Variants in NSMCE2 observed in about 807,000 individuals in gnomAD.
The protein encoded by NSMCE2 is NSE2 SUMO ligase component of SMC5/6 complex.
In NSMCE2, 24 loss-of-function variants were observed where a neutral mutation model predicts 23.8. The observed-to-expected ratio is 1.01, with a 90% CI of 0.73 to 1.42. The LOEUF (loss-of-function observed/expected upper bound fraction) is 1.42. Ranked by LOEUF, NSMCE2 falls within the 40% of genes most tolerant of loss-of-function variation. The probability of loss-of-function intolerance (pLI) is 0.00; values close to 1 mark genes in which losing one functional copy is unlikely to be tolerated. For missense variants in NSMCE2, 284 were observed against 296.5 expected, an observed-to-expected ratio of 0.96 and a Z score of 0.31; for synonymous variants, 92 against 94.1, an observed-to-expected ratio of 0.98 and a Z score of 0.13.
chr8:125,271,927 G>A (rs753775853), intron 5 of NSMCE2, among the ~76,000 whole-genome samples: 4 of 152,072 alleles, frequency 2.6e-5, no homozygotes, highest in African/African-American at 4.8e-5. Flanking sequence ...CCGTTTTTCA[G>A]GTGGGAAAAC....
chr8:125,108,243 A>G (rs1213784585), intron 3 of NSMCE2, among the ~76,000 whole-genome samples: 1 of 152,202 alleles, frequency 6.6e-6, no homozygotes, highest in East Asian at 1.9e-4. Context: ...AGCCAAGGGC[A>G]ATCACTCCCA....
rs1828819525 is a variant in NSMCE2 at position 125,307,729 on chromosome 8, G to A, written c.419-49490G>A. Among the ~76,000 whole-genome samples the A allele has an allele frequency of 2.6e-5, 4 of 152,158 alleles. No individual in the cohort carries two copies. In the East Asian group the frequency reaches 7.7e-4, roughly 29 times the overall value. On this transcript the variant is annotated intron_variant, in intron 5 of 7. Coordinates refer to ENST00000287437, the MANE Select transcript of NSMCE2 (RefSeq NM_173685.4). Reference sequence around the variant, plus strand: ...AAACCCCACAAAGTAGAGGTATAAAGGGGTTTTGACTAAGCAAGTGTCGTT... The same window carrying A: ...AAACCCCACAAAGTAGAGGTATAAAAGGGTTTTGACTAAGCAAGTGTCGTT...
chr8:125,151,435 G>T (rs1238093855), intron 4 of NSMCE2, 158 bp downstream of exon 4: 9 of 446,144 alleles, frequency 2.0e-5, no homozygotes, highest in Non-Finnish European at 3.6e-5. Context: ...CATAAAATTG[G>T]AATCCTAAGT....
intron 3 of NSMCE2, among the ~76,000 whole-genome samples, chr8:125,118,856 T>G (rs541582548): frequency 6.6e-6 from 1 of 152,310 alleles, no homozygotes; most frequent in East Asian, 1.9e-4. Flanking sequence ...ATGCAGATCC[T>G]TTCACAAAAT....
intron 3 of NSMCE2, among the ~76,000 whole-genome samples, chr8:125,117,680 T>C (rs1016574674): frequency 6.6e-6 from 1 of 152,156 alleles, no homozygotes; most frequent in African/African-American, 2.4e-5. Context: ...GATCCCCAGC[T>C]AATTTTTTTA....
chr8:125,316,371 A>G (rs1829177439), intron 5 of NSMCE2, among the ~76,000 whole-genome samples: 1 of 152,238 alleles, frequency 6.6e-6, no homozygotes, highest in Admixed American at 6.5e-5. Flanking sequence ...ACTTCCAGAA[A>G]ACAATTAGGC....
intron 3 of NSMCE2, among the ~76,000 whole-genome samples, chr8:125,131,614 A>G (rs529810629): frequency 6.6e-6 from 1 of 152,288 alleles, no homozygotes; most frequent in East Asian, 1.9e-4. Context: ...TGGAAAAAAA[A>G]AATGCTTGGA....
chr8:125,269,088 T>C (rs765563345), intron 5 of NSMCE2, among the ~76,000 whole-genome samples: 2 of 152,036 alleles, frequency 1.3e-5, no homozygotes, highest in African/African-American at 2.4e-5. Context: ...TTAACTTTGT[T>C]TTTTGTTTGT....
chr8:125,236,184 T>C (rs765733352), intron 5 of NSMCE2, among the ~76,000 whole-genome samples: 8 of 152,134 alleles, frequency 5.3e-5, no homozygotes, highest in Non-Finnish European at 1.0e-4. Flanking sequence ...TTCAGCACAA[T>C]GATTTGGAGG....
chr8:125,283,297 C>G (rs533465156), intron 5 of NSMCE2, among the ~76,000 whole-genome samples: 19 of 152,242 alleles, frequency 1.2e-4, no homozygotes, highest in South Asian at 1.0e-3. Flanking sequence ...GCCTGTAATC[C>G]CAGCACTTTG....
At chr8:125,275,554 G>A (rs573567722) in intron 5 of NSMCE2, among the ~76,000 whole-genome samples, 1 of 151,866 alleles carries the variant, frequency 6.6e-6, no homozygotes, top group Admixed American at 6.6e-5. Flanking sequence ...GTATTTCCTC[G>A]TTGGCTGCCC....
intron 7 of NSMCE2, among the ~76,000 whole-genome samples, chr8:125,359,858 CAGTTTTAAAGG>C (rs1455553054): frequency 6.6e-6 from 1 of 152,034 alleles, no homozygotes; most frequent in Non-Finnish European, 1.5e-5. Flanking sequence ...GAGACGAGGA[CAGTTTTAAAGG>C]AGTAAGATGA....
chr8:125,127,845 A>T (rs1310868113), intron 3 of NSMCE2, among the ~76,000 whole-genome samples: 1 of 152,232 alleles, frequency 6.6e-6, no homozygotes, highest in African/African-American at 2.4e-5. Flanking sequence ...TCTAAACATG[A>T]AATTCACTTA....
At chr8:125,360,257 G>A (rs1046898407) in intron 7 of NSMCE2, among the ~76,000 whole-genome samples, 12 of 152,324 alleles carry the variant, frequency 7.9e-5, no homozygotes, top group African/African-American at 2.9e-4. Context: ...AGGAAGTGCA[G>A]CAAGTGTGAG....
At chr8:125,288,115 C>T (rs1827970967) in intron 5 of NSMCE2, among the ~76,000 whole-genome samples, 1 of 152,200 alleles carries the variant, frequency 6.6e-6, no homozygotes, top group African/African-American at 2.4e-5. Context: ...CGTGAGCCAC[C>T]ATACTGGCCG....
chr8:125,173,381 G>A (rs1176673730), intron 4 of NSMCE2, among the ~76,000 whole-genome samples: 1 of 152,208 alleles, frequency 6.6e-6, no homozygotes, highest in Non-Finnish European at 1.5e-5. Context: ...ACTGGGCCCT[G>A]TATTATGGCT....
intron 5 of NSMCE2, among the ~76,000 whole-genome samples, chr8:125,321,536 T>C (rs1829459871): frequency 6.6e-6 from 1 of 152,172 alleles, no homozygotes; most frequent in Non-Finnish European, 1.5e-5. Flanking sequence ...CCAAACATTC[T>C]ACAAGGCTAG....
At chr8:125,232,405 G>A (rs1208626233) in intron 5 of NSMCE2, among the ~76,000 whole-genome samples, 5 of 151,950 alleles carry the variant, frequency 3.3e-5, no homozygotes, top group African/African-American at 4.8e-5. Context: ...TGTAAGCACT[G>A]TGCACATGAT....
chr8:125,207,541 T>A (rs1234254237), intron 5 of NSMCE2, among the ~76,000 whole-genome samples: 1 of 152,204 alleles, frequency 6.6e-6, no homozygotes, highest in African/African-American at 2.4e-5. Flanking sequence ...TAGAAATTAG[T>A]ATTGTGACAC....
Sources: allele counts gnomAD v4.1 joint callset (sites outside exome capture counted in the v4.1 genomes callset), GRCh38; gene constraint gnomAD v4.1.1; transcripts MANE v1.5; gene names NCBI Gene and HGNC (gene_info 2026-07-23, HGNC 2026-07-21).